CFAP47: variants seen among roughly 807,000 people sequenced by gnomAD.
The protein encoded by CFAP47 is cilia and flagella associated protein 47.
A neutral mutation model predicts 148.1 loss-of-function variants in CFAP47; 29 were observed. That is an observed-to-expected ratio of 0.20 (90% CI 0.15 to 0.27). The LOEUF is 0.27. CFAP47 is among the 10% of genes least tolerant of loss of function. The probability of loss-of-function intolerance (pLI) is 1.00; values close to 1 mark genes in which losing one functional copy is unlikely to be tolerated. For missense variants in CFAP47, 1,872 were observed against 1,697.5 expected (o/e 1.10, Z -1.81); for synonymous variants, 664 against 577.3 (o/e 1.15, Z -2.15).
chrX:36,273,319 T>C (rs1186429717), intron 49 of CFAP47, among the ~76,000 whole-genome samples: 2 of 111,712 alleles, frequency 1.8e-5, no homozygotes, highest in Admixed American at 1.9e-4. Context: ...ATCAACCACT[T>C]AATGTTTAGC....
intron 18 of CFAP47, among the ~76,000 whole-genome samples, chrX:35,994,845 A>T (rs1361007713): frequency 9.0e-6 from 1 of 111,579 alleles, no homozygotes; most frequent in Non-Finnish European, 1.9e-5. Flanking sequence ...CACATTATGC[A>T]CTAATCTCTT....
intron 56 of CFAP47, among the ~76,000 whole-genome samples, chrX:36,312,213 CT>C (rs1257162141): frequency 9.1e-6 from 1 of 110,312 alleles, no homozygotes; most frequent in African/African-American, 3.3e-5. Flanking sequence ...GAGAGGATTT[CT>C]TCCTTAGGTG....
chrX:35,954,130 TCTAGAGATCTAGTTAGTAGG>T (rs1272776668), intron 7 of CFAP47, among the ~76,000 whole-genome samples: 2 of 111,306 alleles, frequency 1.8e-5, no homozygotes, highest in Non-Finnish European at 3.8e-5. Flanking sequence ...AAAAACAAGA[TCTAGAGATCTAGTTAGTAGG>T]GTACAGGACA....
intron 15 of CFAP47, among the ~76,000 whole-genome samples, chrX:35,976,244 G>A (rs1936569275): frequency 9.1e-6 from 1 of 110,490 alleles, no homozygotes. Context: ...AGGGCAGGGT[G>A]GTAGACTGGA....
chrX:36,081,180 A>C (rs1031931117), intron 29 of CFAP47, among the ~76,000 whole-genome samples: 7 of 111,672 alleles, frequency 6.3e-5, no homozygotes, highest in African/African-American at 2.3e-4. Context: ...AACTGATCCC[A>C]CAGAAATACA....
intron 40 of CFAP47, among the ~76,000 whole-genome samples, chrX:36,188,195 ATAAACT>A (rs1490838222): frequency 4.3e-4 from 48 of 111,723 alleles, no homozygotes; most frequent in African/African-American, 1.4e-3. Flanking sequence ...TGTGGAGATA[ATAAACT>A]TAGAGAAGGA....
At chrX:36,015,707 T>C (rs1045251262) in intron 22 of CFAP47, among the ~76,000 whole-genome samples, 9 of 111,760 alleles carry the variant, frequency 8.1e-5, no homozygotes, top group African/African-American at 2.6e-4. Context: ...GTTTTTCCCT[T>C]TGAATTAAGA....
At chrX:36,275,435 T>G (rs1941005547) in intron 49 of CFAP47, among the ~76,000 whole-genome samples, 1 of 109,299 alleles carries the variant, frequency 9.1e-6, no homozygotes, top group African/African-American at 3.3e-5. Flanking sequence ...TGTGTGTGTG[T>G]GTGTGTGTGT....
intron 61 of CFAP47, among the ~76,000 whole-genome samples, chrX:36,362,750 G>T: frequency 8.9e-6 from 1 of 111,831 alleles, no homozygotes; most frequent in African/African-American, 3.2e-5. Flanking sequence ...ATTCGATGTA[G>T]TCATACATCT....
At chrX:36,384,773 A>G in intron 63 of CFAP47, 24 bp from the exon 64 acceptor site, 2 of 1,102,366 alleles carry the variant, frequency 1.8e-6, no homozygotes, top group Non-Finnish European at 2.5e-6. Context: ...TTTCAAATGA[A>G]AATTTCTCCC....
Position 36,201,282 on chromosome X carries a change from A to G in CFAP47, c.6445A>G (p.Lys2149Glu), listed in dbSNP as rs1939977294. ...TTTTTTTCTTCCTCCAGGGCCTAAT[A>G]AGAAATACCCAGTTCTGTATTTGAA... ...YSTTREEGPN[K>E]KYPVLYLKCK... Residue 2149 changes from lysine to glutamate, a missense_variant, in exon 44 of 64, where the codon AAG (lysine) becomes GAG (glutamate). Lys to Glu is a moderately conservative substitution (Grantham distance 56). Coordinates refer to ENST00000378653, the MANE Select transcript of CFAP47 (RefSeq NM_001304548.2). The G allele has an allele frequency of 3.4e-6, 1 of 297,428 alleles. No homozygotes were observed. Among genetic ancestry groups the G allele is most frequent in the Admixed American group, 6.1e-5 (1 of 16,465 alleles). The allele number at this position is 297,428 out of a possible 1,213,427, so 24.5% of individuals were successfully genotyped here.
At chrX:36,049,080 G>A (rs1403587292) in intron 26 of CFAP47, among the ~76,000 whole-genome samples, 3 of 111,396 alleles carry the variant, frequency 2.7e-5, no homozygotes, top group Non-Finnish European at 5.6e-5. Context: ...GAAGCATAAG[G>A]TCTACAGCTA....
chrX:36,159,838 A>G (rs2146849183), intron 38 of CFAP47, among the ~76,000 whole-genome samples: 1 of 111,964 alleles, frequency 8.9e-6, no homozygotes, highest in East Asian at 2.8e-4. Context: ...TGTGTCCTGT[A>G]GATCAAATCT....
rs954043958 is a variant in CFAP47, at chrX:36,176,197, G to C, written c.6027-3148G>C. Among the ~76,000 whole-genome samples the C allele has an allele frequency of 2.7e-5, 3 of 112,083 alleles. No individual in the cohort carries two copies. In the East Asian group the frequency reaches 8.5e-4, roughly 32 times the overall value. On this transcript the variant is annotated intron_variant, in intron 39 of 63. Transcript: ENST00000378653. ...GCGCACCCACTGACCTGTGCCCACTGTCTGGCACTCCCTAGTGAGATGAAC... is the reference window on the plus strand; with the variant it reads ...GCGCACCCACTGACCTGTGCCCACTCTCTGGCACTCCCTAGTGAGATGAAC...
chrX:36,178,812 G>A (rs1236003493), intron 39 of CFAP47, among the ~76,000 whole-genome samples: 2 of 111,734 alleles, frequency 1.8e-5, no homozygotes, highest in African/African-American at 6.5e-5. Context: ...AGAAACAAAT[G>A]CGTCTCTATA....
chrX:36,137,097 C>T (rs994698550), intron 33 of CFAP47, among the ~76,000 whole-genome samples: 8 of 110,736 alleles, frequency 7.2e-5, no homozygotes, highest in Non-Finnish European at 1.5e-4. Context: ...AAAGCAATCC[C>T]GGTTTTGAAG....
intron 33 of CFAP47, among the ~76,000 whole-genome samples, chrX:36,116,805 C>T (rs914348671): frequency 1.8e-5 from 2 of 111,579 alleles, no homozygotes; most frequent in African/African-American, 6.5e-5. Context: ...TTATTTTTGA[C>T]TATAGTCACC....
intron 57 of CFAP47, among the ~76,000 whole-genome samples, chrX:36,338,392 C>T (rs143466574): frequency 4.3e-3 from 481 of 110,981 alleles, no homozygotes; most frequent in Middle Eastern, 0.019. Context: ...CCAAGCTAAT[C>T]CAGTTTTATA....
At chrX:36,057,694 C>G (rs1937565496) in intron 26 of CFAP47, among the ~76,000 whole-genome samples, 1 of 111,522 alleles carries the variant, frequency 9.0e-6, no homozygotes, top group African/African-American at 3.3e-5. Context: ...TAATGCCTCT[C>G]TTTCCTCCCA....
Sources: gnomAD v4.1 joint callset for allele counts (sites outside exome capture counted in the v4.1 genomes callset) on GRCh38, gnomAD v4.1.1 for gene constraint, MANE v1.5 for transcripts, NCBI Gene and HGNC (gene_info 2026-07-23, HGNC 2026-07-21) for gene names.